Variants in PTPRG observed in about 807,000 individuals in gnomAD.
PTPRG encodes the protein receptor-type tyrosine-protein phosphatase gamma.
A neutral mutation model predicts 165.3 loss-of-function variants in PTPRG; 102 were observed. The ratio of observed to expected loss-of-function variants is 0.62; its 90% CI spans 0.53 to 0.73. The LOEUF (loss-of-function observed/expected upper bound fraction) is 0.73, where lower values mean the gene tolerates loss of function less well. Ranked by LOEUF, PTPRG falls within the 30% of genes least tolerant of loss-of-function variation. The pLI is 0.00. For synonymous variants in PTPRG, 675 were observed against 669.5 expected (o/e 1.01, Z -0.13); for missense variants, 1,866 against 1,861.4 (o/e 1.00, Z -0.05).
At chr3:62,276,069 T>C (rs910801673) in intron 24 of PTPRG, 103 bp downstream of exon 24, 42 of 817,388 alleles carry the variant, frequency 5.1e-5, no homozygotes, top group Non-Finnish European at 6.8e-5. Context: ...CCTTCAATTG[T>C]ACTGTACGTG....
chr3:61,775,061 C>CT (rs2034330369), intron 2 of PTPRG, among the ~76,000 whole-genome samples: 3 of 152,050 alleles, frequency 2.0e-5, no homozygotes, highest in African/African-American at 7.3e-5. Flanking sequence ...CATTTTATCC[C>CT]TTAAAGAAAA....
chr3:61,993,977 T>A (rs1348461811), intron 3 of PTPRG, among the ~76,000 whole-genome samples: 1 of 152,216 alleles, frequency 6.6e-6, no homozygotes, highest in Non-Finnish European at 1.5e-5. Flanking sequence ...TCCAGCATAA[T>A]CAATAGAGCA....
intron 5 of PTPRG, among the ~76,000 whole-genome samples, chr3:62,109,219 G>A (rs1702580902): frequency 1.3e-5 from 2 of 152,240 alleles, no homozygotes; most frequent in African/African-American, 4.8e-5. Flanking sequence ...GTTGATTTTT[G>A]TATAAGGTGT....
In PTPRG at chr3:62,294,619, C is replaced by CA. The variant is rs1703003351; in HGVS notation, c.*1313dup. On this transcript the variant is annotated 3_prime_UTR_variant, in exon 30 of 30. Coordinates refer to ENST00000474889, the MANE Select transcript of PTPRG (RefSeq NM_002841.4). ...TAGGTGCAGCCTCTGGAGCCATACT[C>CA]ACGCTGCAGTGCATAATGGGAAAAT... 1 of 152,058 alleles carries CA rather than the reference C, an allele frequency of 6.6e-6. No individual in the cohort carries two copies. Among genetic ancestry groups the CA allele is most frequent in the South Asian group, 2.1e-4 (1 of 4,834 alleles). The allele number at this position is 152,058 out of a possible 1,614,324, so 9.4% of individuals were successfully genotyped here. A position where few individuals can be genotyped will look rare whatever the true frequency, so the allele number is the denominator to read the frequency against.
chr3:61,780,505 T>C (rs2107076918), intron 2 of PTPRG, among the ~76,000 whole-genome samples: 1 of 152,306 alleles, frequency 6.6e-6, no homozygotes, highest in South Asian at 2.1e-4. Flanking sequence ...GTTCCCAATA[T>C]TTAAAAATTG....
intron 2 of PTPRG, among the ~76,000 whole-genome samples, chr3:61,943,878 G>A (rs1050498567): frequency 6.6e-6 from 1 of 152,190 alleles, no homozygotes; most frequent in Non-Finnish European, 1.5e-5. Flanking sequence ...CTAGTCTGAA[G>A]AATAGAGAAA....
At chr3:62,076,757 T>A (rs1388064482) in intron 4 of PTPRG, among the ~76,000 whole-genome samples, 2 of 152,006 alleles carry the variant, frequency 1.3e-5, no homozygotes, top group East Asian at 3.9e-4. Context: ...AATTTTGTAT[T>A]TTTTGTAGGA....
chr3:61,985,224 ACTT>A (rs1280929072), intron 2 of PTPRG, among the ~76,000 whole-genome samples: 1 of 152,148 alleles, frequency 6.6e-6, no homozygotes, highest in Non-Finnish European at 1.5e-5. Flanking sequence ...AGGCTAGTAA[ACTT>A]CTCTGCACTG....
chr3:61,567,965 CA>C lies in PTPRG; in HGVS notation c.85+5613del, dbSNP rs11451025. On this transcript the variant is annotated intron_variant, in intron 1 of 29. Coordinates refer to ENST00000474889, the MANE Select transcript of PTPRG (RefSeq NM_002841.4). ...TGGGCGACATAGTGAGACCCTGCCT[CA>C]AAAAAAAAAAAAAAAAAAAGTTCAT... is the stretch of plus-strand genomic sequence containing the variant. Among the ~76,000 whole-genome samples the C allele has an allele frequency of 6.6e-4, 82 of 124,210 alleles. 1 individual carries two copies. Among genetic ancestry groups the C allele is most frequent in the African/African-American group, 7.2e-4 (23 of 31,742 alleles). The allele number at this position is 124,210 out of a possible 152,430, so 81.5% of individuals were successfully genotyped here. A position where few individuals can be genotyped will look rare whatever the true frequency, so the allele number is the denominator to read the frequency against.
At chr3:61,804,075 T>G (rs1980281) in intron 2 of PTPRG, among the ~76,000 whole-genome samples, 46,824 of 152,094 alleles carry the variant, frequency 0.31, 7,611 homozygotes, top group Middle Eastern at 0.39. Flanking sequence ...CCAGGGCTCC[T>G]GGGAAAAAGC....
intron 2 of PTPRG, among the ~76,000 whole-genome samples, chr3:61,982,044 C>T (rs1465846336): frequency 6.6e-6 from 1 of 152,048 alleles, no homozygotes; most frequent in African/African-American, 2.4e-5. Context: ...GCTCTTTGTA[C>T]TCTGTTGTAT....
chr3:61,599,987 C>T (rs1483095948), intron 1 of PTPRG, among the ~76,000 whole-genome samples: 1 of 151,572 alleles, frequency 6.6e-6, no homozygotes, highest in Non-Finnish European at 1.5e-5. Context: ...GGCAAAACCC[C>T]ATCTCTACCA....
At position 61,737,914 on chromosome 3, in the gene PTPRG, G is replaced by T. The variant is rs55909930; in HGVS notation, c.86-10964G>T. On this transcript the variant is annotated intron_variant, in intron 1 of 29. Transcript: ENST00000474889. ...GTTGTGGATATGCTGAGGTTTTTTT[G>T]TTTTTTTTTTTTAAGACGGAGTCTT... 1.5e-3 allele frequency among the ~76,000 whole-genome samples: 211 copies of T among 144,494 alleles called. 2 individuals are homozygous for T. The highest frequency in any genetic ancestry group is 3.6e-3 in the Middle Eastern group (1 of 280). The allele number at this position is 144,494 out of a possible 152,430, so 94.8% of individuals were successfully genotyped here.
chr3:62,078,141 ATTT>A lies in PTPRG; in HGVS notation c.520-17_520-15del. ...TTATGTTTGAAAATTTTCCTAATAC[ATTT>A]TTTTAATTGTTCTTACAGATGCAGA... On this transcript the variant is annotated intron_variant, in intron 4 of 29. Transcript: ENST00000474889. 1 of 1,511,086 alleles carries A rather than the reference ATTT, an allele frequency of 6.6e-7. No homozygotes were observed. The highest frequency in any genetic ancestry group is 9.1e-7 in the Non-Finnish European group (1 of 1,098,008). 93.6% of individuals were successfully genotyped at this position (1,511,086 alleles called of 1,614,324 possible). A position where few individuals can be genotyped will look rare whatever the true frequency, so the allele number is the denominator to read the frequency against.
chr3:61,569,270 C>G (rs1339973544), intron 1 of PTPRG, among the ~76,000 whole-genome samples: 1 of 152,136 alleles, frequency 6.6e-6, no homozygotes, highest in Non-Finnish European at 1.5e-5. Context: ...CTGGAGCCAG[C>G]CTACCTGTGC....
chr3:61,911,688 T>A (rs535321107), intron 2 of PTPRG, among the ~76,000 whole-genome samples: 49 of 152,344 alleles, frequency 3.2e-4, no homozygotes, highest in Non-Finnish European at 5.6e-4. Context: ...CATTATTTTA[T>A]AATGAAATGT....
chr3:62,193,591 A>G (rs1699890572), intron 9 of PTPRG, among the ~76,000 whole-genome samples: 1 of 152,208 alleles, frequency 6.6e-6, no homozygotes, highest in Non-Finnish European at 1.5e-5. Flanking sequence ...TCTAGAGGGC[A>G]TCCACCTTCC....
chr3:61,830,890 G>A (rs1231825474), intron 2 of PTPRG, among the ~76,000 whole-genome samples: 1 of 152,086 alleles, frequency 6.6e-6, no homozygotes, highest in African/African-American at 2.4e-5. Context: ...TCTCTTTATC[G>A]GGAGGTATAA....
chr3:61,676,836 A>G (rs1277119552), intron 1 of PTPRG, among the ~76,000 whole-genome samples: 1 of 152,108 alleles, frequency 6.6e-6, no homozygotes, highest in East Asian at 1.9e-4. Context: ...GTGGACCACC[A>G]ATTTCTTTTA....
Sources: gnomAD v4.1 joint callset for allele counts (sites outside exome capture counted in the v4.1 genomes callset) on GRCh38, gnomAD v4.1.1 for gene constraint, MANE v1.5 for transcripts, NCBI Gene and HGNC (gene_info 2026-07-23, HGNC 2026-07-21) for gene names.